The following POF1B variants were observed in gnomAD, a reference collection of about 807,000 sequenced individuals.
The protein encoded by POF1B is POF1B actin binding protein, also known as protein POF1B.
A neutral mutation model predicts 55.3 loss-of-function variants in POF1B; 53 were observed. The observed-to-expected ratio is 0.96, with a 90% CI of 0.77 to 1.20. POF1B has a LOEUF of 1.20. POF1B is among the 50% of genes most tolerant of loss of function. POF1B has a pLI of 0.00. For synonymous variants in POF1B, 188 were observed against 148.3 expected (o/e 1.27, Z -1.95); for missense variants, 478 against 420.5 (o/e 1.14, Z -1.20).
chrX:85,292,085 C>T (rs1423460437), intron 15 of POF1B, among the ~76,000 whole-genome samples: 1 of 111,148 alleles, frequency 9.0e-6, no homozygotes, highest in African/African-American at 3.3e-5. Context: ...TCACACATGG[C>T]TCTTATCATT....
Position 85,345,884 on chromosome X carries a change from A to G in POF1B, c.699T>C (p.Ser233=). 1 of 1,202,085 alleles carries G rather than the reference A, an allele frequency of 8.3e-7. No individual in the cohort carries two copies. Among genetic ancestry groups the G allele is most frequent in the East Asian group, 3.0e-5 (1 of 33,498 alleles). Residue 233 remains serine, a synonymous_variant, in exon 6 of 17, where the codon AGT becomes AGC. Coordinates refer to ENST00000262753, the MANE Select transcript of POF1B (RefSeq NM_024921.4). The part of the protein sequence containing the change: ...STHIGNELCH[S]GSSQICEQVI... ...CCTGCTCACAAATCTGGCTTGATCC[A>G]CTATGGCACAGTTCATTTCCAATAT... is the stretch of plus-strand genomic sequence containing the variant.
At chrX:85,321,122 G>A (rs1300911679) in intron 7 of POF1B, among the ~76,000 whole-genome samples, 1 of 111,158 alleles carries the variant, frequency 9.0e-6, no homozygotes, top group Non-Finnish European at 1.9e-5. Flanking sequence ...TACCAAAGCC[G>A]GGAAGAGACA....
In POF1B at chrX:85,367,768, T is replaced by C; in HGVS notation, c.283-2A>G. The stretch of plus-strand genomic sequence containing the variant: ...TTTTAAAGTTGGAGAATGGAGTTCC[T>C]GTTAAGAGAAACAAAAGGGAGTTCA... On this transcript the variant is annotated splice_acceptor_variant, in intron 2 of 16. Coordinates refer to ENST00000262753, the MANE Select transcript of POF1B (RefSeq NM_024921.4). LOFTEE classifies it high-confidence loss of function. The C allele has an allele frequency of 1.8e-6, 2 of 1,119,870 alleles. No homozygotes were observed. The highest frequency in any genetic ancestry group is 2.4e-6 in the Non-Finnish European group (2 of 833,178). 92.3% of individuals were successfully genotyped at this position (1,119,870 alleles called of 1,213,427 possible). A position where few individuals can be genotyped will look rare whatever the true frequency, so the allele number is the denominator to read the frequency against.
At chrX:85,356,860 C>A (rs1933511778) in intron 4 of POF1B, among the ~76,000 whole-genome samples, 1 of 110,944 alleles carries the variant, frequency 9.0e-6, no homozygotes, top group Non-Finnish European at 1.9e-5. Context: ...TCACATCTAA[C>A]AAAGTATATA....
At chrX:85,379,537 G>A in intron 1 of POF1B, 42 bp from the exon 2 acceptor site, 1 of 1,034,757 alleles carries the variant, frequency 9.7e-7, no homozygotes, top group Non-Finnish European at 1.3e-6. Flanking sequence ...AAAAAGACAG[G>A]CAAGCAGGCA....
At chrX:85,323,705 C>A (rs1395357660) in intron 7 of POF1B, among the ~76,000 whole-genome samples, 1 of 111,119 alleles carries the variant, frequency 9.0e-6, no homozygotes, top group African/African-American at 3.3e-5. Flanking sequence ...TTTTTTATGT[C>A]TCAATTTCCT....
chrX:85,313,331 T>C (rs1202734659), intron 9 of POF1B, among the ~76,000 whole-genome samples: 1 of 111,791 alleles, frequency 8.9e-6, no homozygotes, highest in East Asian at 2.8e-4. Flanking sequence ...ATAGCTCTTA[T>C]TATTTTGAGA....
intron 7 of POF1B, among the ~76,000 whole-genome samples, chrX:85,326,436 C>T (rs903197234): frequency 3.6e-5 from 4 of 110,179 alleles, no homozygotes; most frequent in Non-Finnish European, 7.6e-5. Context: ...GGGGCGGGTC[C>T]ACTGGTCTCC....
intron 7 of POF1B, among the ~76,000 whole-genome samples, chrX:85,325,619 T>C (rs1370003318): frequency 1.8e-5 from 2 of 112,235 alleles, no homozygotes; most frequent in Non-Finnish European, 3.8e-5. Flanking sequence ...GTTTCAACTT[T>C]CTCCTTCATG....
intron 13 of POF1B, among the ~76,000 whole-genome samples, chrX:85,304,832 A>G (rs1185905861): frequency 9.0e-6 from 1 of 111,610 alleles, no homozygotes; most frequent in Non-Finnish European, 1.9e-5. Context: ...TCAGTTCACA[A>G]AATATTCCTC....
intron 7 of POF1B, among the ~76,000 whole-genome samples, chrX:85,322,683 G>A (rs980398889): frequency 1.8e-5 from 2 of 111,299 alleles, no homozygotes; most frequent in Admixed American, 1.9e-4. Flanking sequence ...GAAAATTTTT[G>A]CAATCTACTC....
chrX:85,346,871 C>A (rs945135176), intron 5 of POF1B, among the ~76,000 whole-genome samples: 2 of 110,697 alleles, frequency 1.8e-5, no homozygotes, highest in African/African-American at 6.5e-5. Flanking sequence ...ACTCTGAGGT[C>A]TAGAAAAGTA....
chrX:85,339,421 C>A (rs1053778167), intron 6 of POF1B, among the ~76,000 whole-genome samples: 1 of 110,560 alleles, frequency 9.0e-6, no homozygotes, highest in Non-Finnish European at 1.9e-5. Flanking sequence ...GAGAAGAGGT[C>A]CAGATGAAAG....
chrX:85,307,371 C>A lies in POF1B; in HGVS notation c.1051-95G>T, dbSNP rs1932598247. On this transcript the variant is annotated intron_variant, in intron 10 of 16. Transcript: ENST00000262753. ...GCTTACCTTGGAAGATTTAAATAAG[C>A]ACTTGTTTCATTTGTACTTGCTTAA... is the stretch of plus-strand genomic sequence containing the variant. The A allele has an allele frequency of 5.2e-5, 26 of 497,534 alleles. No individual in the cohort carries two copies. In the East Asian group the frequency reaches 1.0e-3, roughly 19 times the overall value. 41.0% of individuals were successfully genotyped at this position (497,534 alleles called of 1,213,427 possible). A position where few individuals can be genotyped will look rare whatever the true frequency, so the allele number is the denominator to read the frequency against.
chrX:85,339,833 G>T (rs777376903), intron 6 of POF1B, among the ~76,000 whole-genome samples: 1 of 111,510 alleles, frequency 9.0e-6, no homozygotes, highest in South Asian at 3.8e-4. Flanking sequence ...TTTGCTGAAG[G>T]TATAGAAAAA....
rs191430497 is a variant in POF1B, at chrX:85,327,396, G to A, written c.854+3553C>T. On this transcript the variant is annotated intron_variant, in intron 7 of 16. Coordinates refer to ENST00000262753, the MANE Select transcript of POF1B (RefSeq NM_024921.4). ...CTACCTTCTTTGTAATTGCTTATGA[G>A]TAATACATTGCCTACAGAGACAAGA... Among the ~76,000 whole-genome samples, 512 of 111,678 alleles carry A rather than the reference G, an allele frequency of 4.6e-3. 2 individuals are homozygous for A. The highest frequency in any genetic ancestry group is 0.016 in the African/African-American group (489 of 30,701).
At chrX:85,317,684 A>G (rs1393345193) in intron 7 of POF1B, among the ~76,000 whole-genome samples, 1 of 110,526 alleles carries the variant, frequency 9.0e-6, no homozygotes, top group Non-Finnish European at 1.9e-5. Flanking sequence ...ATCTAAAGAC[A>G]GAGATACCAT....
At chrX:85,374,355 C>T (rs904552596) in intron 2 of POF1B, among the ~76,000 whole-genome samples, 1 of 111,413 alleles carries the variant, frequency 9.0e-6, no homozygotes, top group Non-Finnish European at 1.9e-5. Flanking sequence ...CTGTTGGCTT[C>T]ATTTTCCTGT....
rs1389538583 is a variant in POF1B at position 85,345,992 on chromosome X, C to T, written c.591G>A (p.Gln197=). 2 of 1,202,682 alleles carry T rather than the reference C, an allele frequency of 1.7e-6. No homozygotes were observed. Among genetic ancestry groups the T allele is most frequent in the East Asian group, 3.0e-5 (1 of 33,494 alleles). Residue 197 remains glutamine (Q), a synonymous_variant, in exon 6 of 17, where the codon CAG becomes CAA. Coordinates refer to ENST00000262753, the MANE Select transcript of POF1B (RefSeq NM_024921.4). The part of the protein sequence containing the change: ...QCHHHIIQQP[Q]VIHSAHWQQP... ...GTTGCCAGTGTGCAGAGTGGATGAC[C>T]TGGGGCTGTTGGATAATGTGATGAT...
Sources: allele counts gnomAD v4.1 joint callset (sites outside exome capture counted in the v4.1 genomes callset), GRCh38; gene constraint gnomAD v4.1.1; transcripts MANE v1.5; gene names NCBI Gene and HGNC (gene_info 2026-07-23, HGNC 2026-07-21).